The following SNX19 variants were observed in gnomAD, a reference collection of about 807,000 sequenced individuals.
The protein encoded by SNX19 is sorting nexin-19.
In SNX19, 60 loss-of-function variants were observed where a neutral mutation model predicts 85.2. The ratio of observed to expected loss-of-function variants is 0.70; its 90% CI spans 0.57 to 0.87. The LOEUF is 0.87. Ranked by LOEUF, SNX19 falls within the 40% of genes least tolerant of loss-of-function variation. SNX19 has a pLI of 0.00. For synonymous variants in SNX19, 520 were observed against 470.0 expected (o/e 1.11, Z -1.38); for missense variants, 1,201 against 1,217.8 (o/e 0.99, Z 0.21).
chr11:130,887,627 C>T (rs1009810729), intron 8 of SNX19, among the ~76,000 whole-genome samples: 2 of 152,200 alleles, frequency 1.3e-5, no homozygotes, highest in African/African-American at 2.4e-5. Context: ...CAACCCAAAT[C>T]GGCCTCCTTG....
At chr11:130,894,959 G>T (rs906475300) in intron 8 of SNX19, 30 of 985,424 alleles carry the variant, frequency 3.0e-5, no homozygotes, top group Non-Finnish European at 3.5e-5. Context: ...ACAGACAAAG[G>T]AAGTTAAGTG....
chr11:130,871,675 G>T lies in SNX19; in HGVS notation c.*6747C>A, dbSNP rs1943032760. ...CTTCTGTCGACATTTGAGTCCTTTT[G>T]TCTGCAATCAGGGAGTTCTGTGTTT... is the stretch of plus-strand genomic sequence containing the variant. On this transcript the variant is annotated 3_prime_UTR_variant, in exon 11 of 11. Transcript: ENST00000265909. 1.3e-5 allele frequency among the ~76,000 whole-genome samples: 2 copies of T among 152,178 alleles called. No homozygotes were observed. Among genetic ancestry groups the T allele is most frequent in the Admixed American group, 1.3e-4 (2 of 15,276 alleles).
intron 8 of SNX19, among the ~76,000 whole-genome samples, chr11:130,884,166 C>T (rs1318719979): frequency 1.3e-5 from 2 of 152,160 alleles, no homozygotes; most frequent in East Asian, 1.9e-4. Context: ...TAAGGTAAAG[C>T]TCCATACACA....
chr11:130,914,249 A>G lies in SNX19; in HGVS notation c.1674+17T>C. 2.0e-6 allele frequency: 3 copies of G among 1,517,124 alleles called. No individual in the cohort carries two copies. The highest frequency in any genetic ancestry group is 2.7e-6 in the Non-Finnish European group (3 of 1,130,744). The allele number at this position is 1,517,124 out of a possible 1,614,324, so 94.0% of individuals were successfully genotyped here. On this transcript the variant is annotated intron_variant, in intron 1 of 10. Transcript: ENST00000265909. ...ACTCCTAGCCCGGGTGAGCACCCAC[A>G]GCTTTAATCCTGTTACCTTCACAGT...
rs1943221195 is a variant in SNX19, at chr11:130,875,869, G to A, written c.*2553C>T. Reference sequence around the variant, plus strand: ...AATAATAAAAATAAAATTTATACATGCTCCTAGGCTCAGATTTAGGAATTT... The same window carrying A: ...AATAATAAAAATAAAATTTATACATACTCCTAGGCTCAGATTTAGGAATTT... On this transcript the variant is annotated 3_prime_UTR_variant, in exon 11 of 11. Transcript: ENST00000265909. The A allele has an allele frequency of 6.6e-6, 1 of 152,120 alleles. No homozygotes were observed. The highest frequency in any genetic ancestry group is 6.6e-5 in the Admixed American group (1 of 15,264). The allele number at this position is 152,120 out of a possible 1,614,324, so 9.4% of individuals were successfully genotyped here.
At chr11:130,885,379 G>A (rs919643989) in intron 8 of SNX19, among the ~76,000 whole-genome samples, 1 of 152,226 alleles carries the variant, frequency 6.6e-6, no homozygotes, top group Admixed American at 6.5e-5. Context: ...CTAAAAAGGA[G>A]ACAGTTTAAT....
chr11:130,909,896 G>T, intron 4 of SNX19, 122 bp downstream of exon 4: 2 of 1,261,402 alleles, frequency 1.6e-6, no homozygotes, highest in Non-Finnish European at 2.2e-6. Flanking sequence ...TTCTATTGAC[G>T]GCTCTGTGCT....
chr11:130,879,416 A>G (rs1345225798), intron 10 of SNX19, among the ~76,000 whole-genome samples: 2 of 151,718 alleles, frequency 1.3e-5, no homozygotes, highest in African/African-American at 4.9e-5. Flanking sequence ...TTCCTAGCAC[A>G]TGACGACCTG....
In SNX19 at chr11:130,880,683, G is replaced by C; in HGVS notation, c.2697C>G (p.Thr899=). 6.2e-7 allele frequency: 1 copy of C among 1,612,202 alleles called. No individual in the cohort carries two copies. The highest frequency in any genetic ancestry group is 8.5e-7 in the Non-Finnish European group (1 of 1,178,574). Residue 899 remains threonine, a synonymous_variant, in exon 9 of 11, where the codon ACC becomes ACG. Transcript: ENST00000265909. ...VLPKFPRPVR[T]QEQKLAAEKQ... is the part of the protein sequence containing the mutation. ...TCTCAGCAGCCAGTTTCTGCTCTTGGGTCCTTACGGGCCGTGGAAACTTAG... is the reference window on the plus strand; with the variant it reads ...TCTCAGCAGCCAGTTTCTGCTCTTGCGTCCTTACGGGCCGTGGAAACTTAG...
At position 130,911,688 on chromosome 11, in the gene SNX19, G is replaced by A. The variant is rs1946141409; in HGVS notation, c.1758C>T (p.Phe586=). Residue 586 remains phenylalanine, a synonymous_variant, in exon 2 of 11, where the codon TTC becomes TTT. Transcript: ENST00000265909. ...YHTVNRRYRE[F]LNLQTRLEEK... is the part of the protein sequence containing the mutation. ...CCTCCAGACGGGTCTGCAGATTCAAGAACTCCCGATAGCGACGATTCACAG... is the reference window on the plus strand; with the variant it reads ...CCTCCAGACGGGTCTGCAGATTCAAAAACTCCCGATAGCGACGATTCACAG... 1 of 1,614,142 alleles carries A rather than the reference G, an allele frequency of 6.2e-7. No homozygotes were observed.
At position 130,867,375 on chromosome 11, in the gene SNX19, C is replaced by T. The variant is rs983163562; in HGVS notation, c.*11047G>A. On this transcript the variant is annotated 3_prime_UTR_variant, in exon 11 of 11. Transcript: ENST00000265909. The stretch of plus-strand genomic sequence containing the variant: ...GATGGGAAACGCTCTGGGACATGAA[C>T]ATAAAAGTGCAACCTAGATGATCAG... 2 of 152,172 alleles carry T rather than the reference C, an allele frequency of 1.3e-5. No homozygotes were observed. The highest frequency in any genetic ancestry group is 4.8e-5 in the African/African-American group (2 of 41,438). The allele number at this position is 152,172 out of a possible 1,614,324, so 9.4% of individuals were successfully genotyped here.
At chr11:130,891,453 G>A (rs2135328851) in intron 8 of SNX19, among the ~76,000 whole-genome samples, 1 of 152,288 alleles carries the variant, frequency 6.6e-6, no homozygotes, top group East Asian at 1.9e-4. Flanking sequence ...AGAGACAGCT[G>A]CCAGTAGCTT....
chr11:130,898,646 G>A (rs1428092140), intron 8 of SNX19, among the ~76,000 whole-genome samples: 1 of 152,220 alleles, frequency 6.6e-6, no homozygotes, highest in African/African-American at 2.4e-5. Flanking sequence ...AGGTGCTGCA[G>A]CTCTGGAGAT....
In SNX19 at chr11:130,915,953, A is replaced by G. The variant is rs760925898; in HGVS notation, c.-14T>C. 6.2e-7 allele frequency: 1 copy of G among 1,608,390 alleles called. No homozygotes were observed. Among genetic ancestry groups the G allele is most frequent in the Non-Finnish European group, 8.5e-7 (1 of 1,176,530 alleles). On this transcript the variant is annotated 5_prime_UTR_variant, in exon 1 of 11. Coordinates refer to ENST00000265909, the MANE Select transcript of SNX19 (RefSeq NM_014758.3). ...TTCTGTCTTCATGGCTGAACGGACA[A>G]GGTGGCTTCCCCAGATGACAGCCCT...
In SNX19 at chr11:130,914,540, G is replaced by A. The variant is rs1565556418; in HGVS notation, c.1400C>T (p.Ala467Val). ...GGTCTTTTCTGGCCCCTCCAGCAAAGCTGTAACAGAGGCGGTAACATCTCC... is the reference window on the plus strand; with the variant it reads ...GGTCTTTTCTGGCCCCTCCAGCAAAACTGTAACAGAGGCGGTAACATCTCC... ...EQGDVTASVT[A>V]LLEGPEKTCP... is the part of the protein sequence containing the mutation. Residue 467 changes from alanine (A) to valine (V), a missense_variant, in exon 1 of 11, where the codon GCT (alanine) becomes GTT (valine). This residue lies in a region of SNX19 where 791 missense variants were observed against 750.9 expected (regional missense o/e 1.05). Coordinates refer to ENST00000265909, the MANE Select transcript of SNX19 (RefSeq NM_014758.3). The A allele has an allele frequency of 1.9e-6, 3 of 1,613,886 alleles. No individual in the cohort carries two copies. Among genetic ancestry groups the A allele is most frequent in the Middle Eastern group, 1.6e-4 (1 of 6,078 alleles).
chr11:130,879,125 C>T (rs1035248332), intron 10 of SNX19, among the ~76,000 whole-genome samples: 1 of 152,234 alleles, frequency 6.6e-6, no homozygotes, highest in Non-Finnish European at 1.5e-5. Flanking sequence ...TCCAACCTTA[C>T]TATCTTGTCT....
At chr11:130,897,809 C>T (rs1390015103) in intron 8 of SNX19, among the ~76,000 whole-genome samples, 4 of 152,188 alleles carry the variant, frequency 2.6e-5, no homozygotes, top group African/African-American at 4.8e-5. Flanking sequence ...CTTCTGTTTT[C>T]GGGCATGAGC....
At chr11:130,894,541 T>C (rs1383038152) in intron 8 of SNX19, among the ~76,000 whole-genome samples, 1 of 152,112 alleles carries the variant, frequency 6.6e-6, no homozygotes, top group Non-Finnish European at 1.5e-5. Flanking sequence ...GACCTATAAC[T>C]GCAAAACAAA....
At position 130,878,451 on chromosome 11, in the gene SNX19, T is replaced by C. The variant is rs750213679; in HGVS notation, c.2950A>G (p.Asn984Asp). The change falls in exon 11 of 11, where the codon AAC (asparagine) becomes GAC (aspartate). Residue 984 changes from asparagine to aspartate, a missense_variant. Physicochemically the swap from Asn to Asp is conservative, Grantham distance 23. This residue lies in a region of SNX19 where 285 missense variants were observed against 295.3 expected (regional missense o/e 0.97). Coordinates refer to ENST00000265909, the MANE Select transcript of SNX19 (RefSeq NM_014758.3). The part of the protein sequence containing the change: ...ATTSASDTPG[N>D]SKRMGVSS ...GAGGAGACACCCATCCTCTTAGAGT[T>C]GCCTGGGGTATCTGAGGCAGAGGTG... 6 of 1,613,926 alleles carry C rather than the reference T, an allele frequency of 3.7e-6. No homozygotes were observed. The South Asian group carries it at 5.5e-5, about 15-fold the overall frequency.
Sources: allele counts gnomAD v4.1 joint callset (sites outside exome capture counted in the v4.1 genomes callset), GRCh38; gene constraint gnomAD v4.1.1; regional missense constraint gnomAD v4.1.1; transcripts MANE v1.5; gene names NCBI Gene and HGNC (gene_info 2026-07-23, HGNC 2026-07-21).